FBXO34: variants seen among roughly 807,000 people sequenced by gnomAD.
The protein encoded by FBXO34 is F-box only protein 34.
A neutral mutation model predicts 24.5 loss-of-function variants in FBXO34; 12 were observed. That is an observed-to-expected ratio of 0.49 (90% CI 0.31 to 0.79). The LOEUF is 0.79. Among genes scored for constraint, FBXO34 ranks in the 30% least tolerant of loss-of-function variants. FBXO34 has a pLI of 0.04. For missense variants in FBXO34, 823 were observed against 857.7 expected, an observed-to-expected ratio of 0.96 and a Z score of 0.51; for synonymous variants, 320 against 311.9, an observed-to-expected ratio of 1.03 and a Z score of -0.27.
intron 1 of FBXO34, among the ~76,000 whole-genome samples, chr14:55,331,342 G>T (rs934530715): frequency 6.6e-6 from 1 of 151,898 alleles, no homozygotes; most frequent in Non-Finnish European, 1.5e-5. Flanking sequence ...AATAATTTCT[G>T]TTCTGGAGTA....
the FBXO34 span, among the ~76,000 whole-genome samples, chr14:55,384,277 AAGTC>A: frequency 6.6e-6 from 1 of 152,232 alleles, no homozygotes; most frequent in Non-Finnish European, 1.5e-5. Flanking sequence ...TTTTTGAAAA[AAGTC>A]AGCCTTACAG....
At chr14:55,301,926 G>A (rs907880534) in intron 1 of FBXO34, among the ~76,000 whole-genome samples, 2 of 152,208 alleles carry the variant, frequency 1.3e-5, no homozygotes, top group Non-Finnish European at 2.9e-5. Flanking sequence ...CTGGCAGATA[G>A]TACAATTCAG....
rs1884374034 is a variant in FBXO34 at position 55,351,512 on chromosome 14, C to G, written c.1122C>G (p.Pro374=). 1.2e-6 allele frequency: 2 copies of G among 1,614,016 alleles called. No individual in the cohort carries two copies. The highest frequency in any genetic ancestry group is 1.7e-5 in the Admixed American group (1 of 59,994). The change falls in exon 2 of 2, where the codon CCC becomes CCG. Residue 374 remains proline (P), a synonymous_variant. Transcript: ENST00000313833. Reference sequence around the variant, plus strand: ...GGGACGGTGCTTCTCAGGACTGCCCCCCATTGCCAGCAGGAGTGAGTTTCC... The same window carrying G: ...GGGACGGTGCTTCTCAGGACTGCCCGCCATTGCCAGCAGGAGTGAGTTTCC... ...QAWDGASQDC[P]PLPAGVSFHI... is the part of the protein sequence containing the mutation.
chr14:55,311,236 A>G (rs1566550335), intron 1 of FBXO34, among the ~76,000 whole-genome samples: 1 of 152,116 alleles, frequency 6.6e-6, no homozygotes, highest in Non-Finnish European at 1.5e-5. Flanking sequence ...CAAACACAAA[A>G]CCATCAGATC....
intron 1 of FBXO34, among the ~76,000 whole-genome samples, chr14:55,306,298 C>G (rs1240115450): frequency 6.6e-6 from 1 of 152,216 alleles, no homozygotes; most frequent in Non-Finnish European, 1.5e-5. Context: ...CCACAACAAA[C>G]CACACATTAG....
chr14:55,319,914 T>C (rs1037529774), intron 1 of FBXO34, among the ~76,000 whole-genome samples: 1 of 152,158 alleles, frequency 6.6e-6, no homozygotes, highest in African/African-American at 2.4e-5. Context: ...CCTTGTGATC[T>C]ACCCACCTCA....
At chr14:55,414,330 C>CT in the FBXO34 span, 1 of 1,379,920 alleles carries the variant, frequency 7.2e-7, no homozygotes, top group South Asian at 1.3e-5. Context: ...CTGTGCTGGG[C>CT]TTATGGACAT....
the FBXO34 span, among the ~76,000 whole-genome samples, chr14:55,437,262 A>C: frequency 1.3e-5 from 2 of 152,252 alleles, no homozygotes; most frequent in Admixed American, 1.3e-4. Flanking sequence ...GGATGGCTGG[A>C]GGCTAGGAGT....
downstream of FBXO34, among the ~76,000 whole-genome samples, chr14:55,365,869 CCACCTG>C (rs1244952404): frequency 2.0e-5 from 3 of 152,190 alleles, no homozygotes; most frequent in South Asian, 2.1e-4. Context: ...ATCTTCTCCA[CCACCTG>C]CAGGTGGTCC....
the FBXO34 span, among the ~76,000 whole-genome samples, chr14:55,430,588 G>T: frequency 6.6e-6 from 1 of 151,952 alleles, no homozygotes. Context: ...TAGAGACAGG[G>T]TCTTGCTGTC....
chr14:55,298,763 A>T, intron 1 of FBXO34: 3 of 1,580,514 alleles, frequency 1.9e-6, no homozygotes, highest in Non-Finnish European at 2.6e-6. Flanking sequence ...TGGAGAAGAA[A>T]ATCGAGCAGA....
At chr14:55,335,127 C>CT (rs1357325871) in intron 1 of FBXO34, among the ~76,000 whole-genome samples, 2 of 152,078 alleles carry the variant, frequency 1.3e-5, no homozygotes, top group East Asian at 3.8e-4. Flanking sequence ...AGGGCAGGTG[C>CT]TTTTAGTCAA....
At chr14:55,336,700 C>T (rs1370778815) in intron 1 of FBXO34, among the ~76,000 whole-genome samples, 1 of 152,000 alleles carries the variant, frequency 6.6e-6, no homozygotes, top group Non-Finnish European at 1.5e-5. Flanking sequence ...TTTCTTTTCT[C>T]CCATTTTATT....
intron 1 of FBXO34, among the ~76,000 whole-genome samples, chr14:55,304,208 A>G (rs1021929755): frequency 6.6e-5 from 10 of 152,218 alleles, no homozygotes; most frequent in African/African-American, 2.4e-4. Flanking sequence ...CATTAAAAAC[A>G]GTAAAAACTC....
chr14:55,327,919 T>G (rs1293284984), intron 1 of FBXO34, among the ~76,000 whole-genome samples: 2 of 46,668 alleles, frequency 4.3e-5, no homozygotes, highest in Non-Finnish European at 4.8e-5. Flanking sequence ...TTTTTTTTTT[T>G]TTTTTTTTTT....
chr14:55,312,836 T>A (rs1882794428), intron 1 of FBXO34, among the ~76,000 whole-genome samples: 1 of 152,214 alleles, frequency 6.6e-6, no homozygotes, highest in Non-Finnish European at 1.5e-5. Flanking sequence ...CTCCTGGGCC[T>A]CCAGGCCTGT....
chr14:55,315,524 G>C (rs1332260327), intron 1 of FBXO34, among the ~76,000 whole-genome samples: 1 of 152,188 alleles, frequency 6.6e-6, no homozygotes, highest in African/African-American at 2.4e-5. Flanking sequence ...GGTTCTCCAA[G>C]TAGCTGCCTG....
At chr14:55,437,383 C>T in the FBXO34 span, among the ~76,000 whole-genome samples, 2 of 152,212 alleles carry the variant, frequency 1.3e-5, no homozygotes, top group Non-Finnish European at 2.9e-5. Context: ...GAGGCTGAGG[C>T]ATGAGAATCT....
At chr14:55,411,678 T>A in the FBXO34 span, 1 of 1,612,932 alleles carries the variant, frequency 6.2e-7, no homozygotes, top group Non-Finnish European at 8.5e-7. Context: ...CGCCGGCGGG[T>A]AGTGTTGCAC....
Sources: gnomAD v4.1 joint callset for allele counts (sites outside exome capture counted in the v4.1 genomes callset) on GRCh38, gnomAD v4.1.1 for gene constraint, MANE v1.5 for transcripts, NCBI Gene and HGNC (gene_info 2026-07-23, HGNC 2026-07-21) for gene names.